The following ABCB9 variants were observed in gnomAD, a reference collection of about 807,000 sequenced individuals.
ABCB9 encodes ABC-type oligopeptide transporter ABCB9.
A neutral mutation model predicts 62.0 loss-of-function variants in ABCB9; 36 were observed. That is an observed-to-expected ratio of 0.58 (90% CI 0.45 to 0.77). The LOEUF is 0.77. ABCB9 is among the 30% of genes least tolerant of loss of function. ABCB9 has a pLI of 0.00. For missense variants in ABCB9, 943 were observed against 1,054.7 expected (o/e 0.89, Z 1.47); for synonymous variants, 435 against 461.4 (o/e 0.94, Z 0.73).
In ABCB9 at chr12:122,944,241, TCTTGATATGATCATG is replaced by T; in HGVS notation, c.1380+135_1380+149del. On this transcript the variant is annotated intron_variant, in intron 7 of 11. Transcript: ENST00000280560. This position sits in a 1 kb window ranked among gnomAD's most constrained non-coding sequence, Gnocchi z 4.9. ...ACCACGCCCTGCCTAGTATTATCAT[TCTTGATATGATCATG>T]CTGTCTCCCCTACTTACCTTAGAGA... The T allele has an allele frequency of 8.1e-7, 1 of 1,236,548 alleles. No homozygotes were observed. The highest frequency in any genetic ancestry group is 1.1e-6 in the Non-Finnish European group (1 of 905,544). 76.6% of individuals were successfully genotyped at this position (1,236,548 alleles called of 1,614,324 possible). A position where few individuals can be genotyped will look rare whatever the true frequency, so the allele number is the denominator to read the frequency against.
At chr12:122,943,404 C>T (rs79304919) in intron 7 of ABCB9, among the ~76,000 whole-genome samples, 6,249 of 152,192 alleles carry the variant, frequency 0.041, 176 homozygotes, top group East Asian at 0.17. Flanking sequence ...TCTAAAACAC[C>T]CTTGCATTTC....
In ABCB9 at chr12:122,932,015, C is replaced by A. The variant is rs1207386475; in HGVS notation, c.2040+177G>T. On this transcript the variant is annotated intron_variant, in intron 11 of 11. Transcript: ENST00000280560. The surrounding 1 kb of genome is among the most constrained non-coding windows in gnomAD (Gnocchi z 4.7). ...TCTGCCTGGAGCCTGGAGGCTGGGT[C>A]CAGAGTGGCTCCTGGCTCCCCACTC... 3.5e-6 allele frequency: 4 copies of A among 1,129,296 alleles called. No individual in the cohort carries two copies. The Admixed American group carries it at 8.5e-5, about 24-fold the overall frequency. 70.0% of individuals were successfully genotyped at this position (1,129,296 alleles called of 1,614,324 possible).
At chr12:122,924,746 C>T (rs539314047), downstream of ABCB9, 2 of 1,534,002 alleles carry the variant, frequency 1.3e-6, no homozygotes. Context: ...ATCTGTCTCT[C>T]TGGCCAACTG....
Position 122,929,176 on chromosome 12 carries a change from C to A in ABCB9, c.*735G>T. The A allele has an allele frequency of 1.0e-6, 1 of 985,956 alleles. No individual in the cohort carries two copies. The highest frequency in any genetic ancestry group is 1.2e-6 in the Non-Finnish European group (1 of 830,098). 61.1% of individuals were successfully genotyped at this position (985,956 alleles called of 1,614,324 possible). On this transcript the variant is annotated 3_prime_UTR_variant, in exon 12 of 12. Coordinates refer to ENST00000280560, the MANE Select transcript of ABCB9 (RefSeq NM_019625.4). The surrounding 1 kb of genome is among the most constrained non-coding windows in gnomAD (Gnocchi z 6.0). ...GGGGCGGGTGTGGGGAGGGAGGCTG[C>A]CAGCCAGGGGTGGGTGGACGAGGGG... is the stretch of plus-strand genomic sequence containing the variant.
chr12:122,947,480 C>T lies in ABCB9; in HGVS notation c.1053+1144G>A. ...GGAGCTGCGACAATGACTTACCCGG[C>T]ACCACCTGGAGGCCGTCATGCATCC... is the stretch of plus-strand genomic sequence containing the variant. On this transcript the variant is annotated intron_variant, in intron 5 of 11. Coordinates refer to ENST00000280560, the MANE Select transcript of ABCB9 (RefSeq NM_019625.4). This position sits in a 1 kb window ranked among gnomAD's most constrained non-coding sequence, Gnocchi z 6.0. 1 of 455,112 alleles carries T rather than the reference C, an allele frequency of 2.2e-6. No homozygotes were observed. The highest frequency in any genetic ancestry group is 4.4e-6 in the Non-Finnish European group (1 of 226,192). The allele number at this position is 455,112 out of a possible 1,614,324, so 28.2% of individuals were successfully genotyped here.
At chr12:122,961,075 T>A (rs1407488828) in intron 1 of ABCB9, among the ~76,000 whole-genome samples, 2 of 151,532 alleles carry the variant, frequency 1.3e-5, no homozygotes, top group African/African-American at 4.9e-5. Context: ...AAAAAAAAAT[T>A]TTTTTTAATT....
intron 10 of ABCB9, among the ~76,000 whole-genome samples, chr12:122,933,264 G>A (rs1197070284): frequency 6.6e-6 from 1 of 152,108 alleles, no homozygotes; most frequent in Non-Finnish European, 1.5e-5. Context: ...CATAACCATT[G>A]TAAAGTGAAT....
At position 122,944,918 on chromosome 12, in the gene ABCB9, G is replaced by A. The variant is rs1259226104; in HGVS notation, c.1252-399C>T. On this transcript the variant is annotated intron_variant, in intron 6 of 11. Coordinates refer to ENST00000280560, the MANE Select transcript of ABCB9 (RefSeq NM_019625.4). The surrounding 1 kb of genome is among the most constrained non-coding windows in gnomAD (Gnocchi z 4.9). ...AGCTCTCTGTCTCCTCCCCCAGTGG[G>A]GTTCCGTGAAGAAGGGGCTGTGATG... Among the ~76,000 whole-genome samples the A allele has an allele frequency of 1.3e-5, 2 of 152,228 alleles. No homozygotes were observed. Among genetic ancestry groups the A allele is most frequent in the Non-Finnish European group, 2.9e-5 (2 of 68,038 alleles).
Position 122,964,978 on chromosome 12 carries a change from C to A in ABCB9, c.-88+1309G>T, listed in dbSNP as rs1213933233. On this transcript the variant is annotated intron_variant, in intron 1 of 11. Coordinates refer to ENST00000280560, the MANE Select transcript of ABCB9 (RefSeq NM_019625.4). This position sits in a 1 kb window ranked among gnomAD's most constrained non-coding sequence, Gnocchi z 4.7. ...ACGATAGATAGCAGTTATTATGACG[C>A]TGCAACAGAGACCCTTTGCAGAGAA... is the stretch of plus-strand genomic sequence containing the variant. 3.9e-5 allele frequency among the ~76,000 whole-genome samples: 6 copies of A among 152,132 alleles called. No homozygotes were observed. The highest frequency in any genetic ancestry group is 8.8e-5 in the Non-Finnish European group (6 of 68,024).
chr12:122,947,463 G>A lies in ABCB9; in HGVS notation c.1053+1161C>T, dbSNP rs2036103537. 3 of 454,244 alleles carry A rather than the reference G, an allele frequency of 6.6e-6. No individual in the cohort carries two copies. The highest frequency in any genetic ancestry group is 4.7e-5 in the South Asian group (3 of 64,382). The allele number at this position is 454,244 out of a possible 1,614,324, so 28.1% of individuals were successfully genotyped here. A position where few individuals can be genotyped will look rare whatever the true frequency, so the allele number is the denominator to read the frequency against. ...ACACCAAAGGCTCCAATGGAGCTGC[G>A]ACAATGACTTACCCGGCACCACCTG... On this transcript the variant is annotated intron_variant, in intron 5 of 11. Coordinates refer to ENST00000280560, the MANE Select transcript of ABCB9 (RefSeq NM_019625.4). The surrounding 1 kb of genome is among the most constrained non-coding windows in gnomAD (Gnocchi z 6.0).
chr12:122,932,874 A>G lies in ABCB9; in HGVS notation c.1904-546T>C, dbSNP rs1189829090. Among the ~76,000 whole-genome samples, 1 of 152,174 alleles carries G rather than the reference A, an allele frequency of 6.6e-6. No individual in the cohort carries two copies. The highest frequency in any genetic ancestry group is 1.5e-5 in the Non-Finnish European group (1 of 68,038). On this transcript the variant is annotated intron_variant, in intron 10 of 11. Transcript: ENST00000280560. The surrounding 1 kb of genome is among the most constrained non-coding windows in gnomAD (Gnocchi z 4.7). ...AACAAATAGACTCAAATGTCCATCA[A>G]TAGGAAATTGAGTCAATCAATTATT... is the stretch of plus-strand genomic sequence containing the variant.
rs2036156541 is a variant in ABCB9 at position 122,948,363 on chromosome 12, C to G, written c.1053+261G>C. 9 of 366,424 alleles carry G rather than the reference C, an allele frequency of 2.5e-5. No homozygotes were observed. The South Asian group carries it at 4.2e-4, about 17-fold the overall frequency. The allele number at this position is 366,424 out of a possible 1,614,324, so 22.7% of individuals were successfully genotyped here. A position where few individuals can be genotyped will look rare whatever the true frequency, so the allele number is the denominator to read the frequency against. On this transcript the variant is annotated intron_variant, in intron 5 of 11. Transcript: ENST00000280560. ...ATTCTCATTCTTTATGCTGTTGGTA[C>G]CTAGTATCTGTCTCTGACACTAGAT...
At chr12:122,945,403 C>T (rs2035979659) in intron 6 of ABCB9, among the ~76,000 whole-genome samples, 2 of 152,236 alleles carry the variant, frequency 1.3e-5, no homozygotes, top group Middle Eastern at 6.8e-3. Flanking sequence ...GTGACGCACT[C>T]CCGGGAGTGT....
At chr12:122,958,867 C>T (rs551334705) in intron 2 of ABCB9, among the ~76,000 whole-genome samples, 1 of 151,766 alleles carries the variant, frequency 6.6e-6, no homozygotes, top group South Asian at 2.1e-4. Flanking sequence ...AGGAGTGGAA[C>T]TCATAGTTTC....
At chr12:122,922,353 AATTTT>A (rs1490799181) in intron 11 of ABCB9, among the ~76,000 whole-genome samples, 5 of 151,966 alleles carry the variant, frequency 3.3e-5, no homozygotes, top group East Asian at 1.9e-4. Flanking sequence ...GAGTCTTTTT[AATTTT>A]TTTATTTTTA....
chr12:122,929,426 C>T lies in ABCB9; in HGVS notation c.*485G>A, dbSNP rs1239266747. Reference sequence around the variant, plus strand: ...AAATCCCGTTCCCCGTGTCTCCCTCCGGGACAGGGAAGCCCCTTCTCTGGA... The same window carrying T: ...AAATCCCGTTCCCCGTGTCTCCCTCTGGGACAGGGAAGCCCCTTCTCTGGA... On this transcript the variant is annotated 3_prime_UTR_variant, in exon 12 of 12. Coordinates refer to ENST00000280560, the MANE Select transcript of ABCB9 (RefSeq NM_019625.4). This position sits in a 1 kb window ranked among gnomAD's most constrained non-coding sequence, Gnocchi z 6.0. The T allele has an allele frequency of 1.0e-5, 10 of 987,098 alleles. No homozygotes were observed. Among genetic ancestry groups the T allele is most frequent in the African/African-American group, 5.2e-5 (3 of 57,264 alleles). 61.1% of individuals were successfully genotyped at this position (987,098 alleles called of 1,614,324 possible).
downstream of ABCB9, chr12:122,924,592 C>T: frequency 7.1e-7 from 1 of 1,398,636 alleles, no homozygotes; most frequent in Non-Finnish European, 9.3e-7. Flanking sequence ...GTTCTAGGCA[C>T]TGGGGAATAC....
At chr12:122,924,476 CACCT>C (rs1427343793), downstream of ABCB9, 1 of 609,110 alleles carries the variant, frequency 1.6e-6, no homozygotes, top group Admixed American at 3.9e-5. Context: ...GTGATCCTCC[CACCT>C]AAGCCTCCCG....
chr12:122,928,514 G>C (rs373691634), downstream of ABCB9, among the ~76,000 whole-genome samples: 9 of 151,460 alleles, frequency 5.9e-5, no homozygotes, highest in African/African-American at 1.9e-4. Flanking sequence ...AGTTGGCACA[G>C]AGCCCTCCTC....
Sources: gnomAD v4.1 joint callset for allele counts (sites outside exome capture counted in the v4.1 genomes callset) on GRCh38, gnomAD v4.1.1 for gene constraint, Gnocchi (gnomAD v3.1) non-coding constraint, MANE v1.5 for transcripts, NCBI Gene and HGNC (gene_info 2026-07-23, HGNC 2026-07-21) for gene names.